Variants in ZNF503 observed in about 807,000 individuals in gnomAD.
The protein encoded by ZNF503 is zinc finger protein 503.
In ZNF503, 15 loss-of-function variants were observed where a neutral mutation model predicts 34.4. The ratio of observed to expected loss-of-function variants is 0.44; its 90% CI spans 0.29 to 0.67. The LOEUF (loss-of-function observed/expected upper bound fraction) is 0.67. ZNF503 is among the 30% of genes least tolerant of loss of function. The pLI, the probability that ZNF503 is intolerant of heterozygous loss-of-function variation, is 0.13. For missense variants in ZNF503, 1,007 were observed against 926.8 expected (o/e 1.09, Z -1.12); for synonymous variants, 580 against 456.8 (o/e 1.27, Z -3.44).
At chr10:75,387,178 G>A in the ZNF503 span, among the ~76,000 whole-genome samples, 7 of 152,338 alleles carry the variant, frequency 4.6e-5, no homozygotes, top group South Asian at 2.1e-4. Flanking sequence ...GGAGAATCCC[G>A]GAATAACTGA....
At chr10:75,401,800 G>C, upstream of ZNF503, 2 of 257,638 alleles carry the variant, frequency 7.8e-6, no homozygotes, top group Non-Finnish European at 7.3e-6. Flanking sequence ...GCTGCACCAA[G>C]GGGGAGATTA....
the ZNF503 span, among the ~76,000 whole-genome samples, chr10:75,326,142 A>G: frequency 6.6e-6 from 1 of 152,210 alleles, no homozygotes; most frequent in Non-Finnish European, 1.5e-5. Context: ...TCCAATGTTC[A>G]TTGCCACTAT....
chr10:75,335,094 G>A, the ZNF503 span, among the ~76,000 whole-genome samples: 1 of 152,096 alleles, frequency 6.6e-6, no homozygotes, highest in Non-Finnish European at 1.5e-5. Flanking sequence ...CTTGCATTGT[G>A]ATCATGAGCA....
the ZNF503 span, among the ~76,000 whole-genome samples, chr10:75,329,314 C>A: frequency 1.8e-4 from 27 of 151,650 alleles, no homozygotes; most frequent in African/African-American, 5.1e-4. Context: ...TTTTTGGTGG[C>A]ACTTTCAGGG....
the ZNF503 span, among the ~76,000 whole-genome samples, chr10:75,323,943 T>C: frequency 6.8e-6 from 1 of 147,696 alleles, no homozygotes; most frequent in Non-Finnish European, 1.5e-5. Context: ...GCCTGCAAGA[T>C]TGCACCATTG....
chr10:75,391,589 C>A, the ZNF503 span, among the ~76,000 whole-genome samples: 383 of 152,304 alleles, frequency 2.5e-3, 1 homozygote, highest in African/African-American at 8.8e-3. Context: ...ATGGAAGCTC[C>A]CCTGGCCCTG....
the ZNF503 span, among the ~76,000 whole-genome samples, chr10:75,387,109 G>A: frequency 1.3e-5 from 2 of 152,224 alleles, no homozygotes; most frequent in Non-Finnish European, 2.9e-5. Flanking sequence ...CTCTGTCTGG[G>A]CACTGTTCTT....
At chr10:75,358,006 C>A in the ZNF503 span, among the ~76,000 whole-genome samples, 1 of 152,162 alleles carries the variant, frequency 6.6e-6, no homozygotes, top group Non-Finnish European at 1.5e-5. Flanking sequence ...GCTCAGTGCA[C>A]CATTGGAGAG....
At chr10:75,322,149 A>C in the ZNF503 span, among the ~76,000 whole-genome samples, 1 of 143,842 alleles carries the variant, frequency 7.0e-6, no homozygotes, top group Non-Finnish European at 1.5e-5. Flanking sequence ...TTTTTGAGAC[A>C]GAGTCTTGCT....
the ZNF503 span, among the ~76,000 whole-genome samples, chr10:75,370,595 A>G: frequency 3.2e-4 from 48 of 152,088 alleles, no homozygotes; most frequent in African/African-American, 1.2e-3. Flanking sequence ...CCTGACCAAC[A>G]TGGTGAAACC....
chr10:75,310,352 G>A, the ZNF503 span, among the ~76,000 whole-genome samples: 1 of 152,178 alleles, frequency 6.6e-6, no homozygotes, highest in African/African-American at 2.4e-5. Flanking sequence ...AGCTAAAGAA[G>A]CTGGCAACTC....
rs767985176 is a variant in ZNF503, at chr10:75,399,951, C to T, written c.739G>A (p.Gly247Ser). Residue 247 changes from glycine to serine, a missense_variant, in exon 2 of 2, where the codon GGT (glycine) becomes AGT (serine). Transcript: ENST00000372524. Reference protein sequence around the residue: ...SPGGMLSSAGGAPEGKDDKKD... With the variant: ...SPGGMLSSAGSAPEGKDDKKD... ...TTGTCGTCCTTGCCCTCCGGGGCAC[C>T]CCCGGCCGAGGACAGCATACCTCCC... 2.5e-6 allele frequency: 4 copies of T among 1,606,294 alleles called. No homozygotes were observed. The highest frequency in any genetic ancestry group is 2.5e-6 in the Non-Finnish European group (3 of 1,179,438).
At chr10:75,326,611 CT>C in the ZNF503 span, among the ~76,000 whole-genome samples, 2 of 149,722 alleles carry the variant, frequency 1.3e-5, no homozygotes, top group Non-Finnish European at 1.5e-5. Context: ...GGCAATCTTC[CT>C]TTTTTTTTGT....
the ZNF503 span, chr10:75,358,532 C>A: frequency 1.3e-5 from 2 of 152,038 alleles, no homozygotes; most frequent in Non-Finnish European, 2.9e-5. Context: ...CATTTAATGA[C>A]CCAGTCGAAA....
chr10:75,280,860 G>A, the ZNF503 span, among the ~76,000 whole-genome samples: 39,168 of 152,020 alleles, frequency 0.26, 6,064 homozygotes, highest in Non-Finnish European at 0.35. Flanking sequence ...CCTGAGAGCT[G>A]AGTAGAAATT....
chr10:75,374,637 C>T, the ZNF503 span, among the ~76,000 whole-genome samples: 1 of 152,246 alleles, frequency 6.6e-6, no homozygotes, highest in Non-Finnish European at 1.5e-5. Context: ...CACTTCAGCA[C>T]TCCTCACCAT....
chr10:75,284,951 A>G, the ZNF503 span, among the ~76,000 whole-genome samples: 3 of 152,210 alleles, frequency 2.0e-5, no homozygotes, highest in African/African-American at 7.2e-5. Context: ...TACCTAACAG[A>G]TAAGTCAGGC....
At chr10:75,327,835 C>A in the ZNF503 span, among the ~76,000 whole-genome samples, 1 of 152,002 alleles carries the variant, frequency 6.6e-6, no homozygotes, top group East Asian at 1.9e-4. Context: ...ATTTGCATTT[C>A]TCTGGTAATT....
chr10:75,380,946 C>T, the ZNF503 span, among the ~76,000 whole-genome samples: 12 of 152,178 alleles, frequency 7.9e-5, no homozygotes, highest in Admixed American at 3.9e-4. Flanking sequence ...TCATGGCATT[C>T]GCGGGAATTA....
Sources: allele counts gnomAD v4.1 joint callset (sites outside exome capture counted in the v4.1 genomes callset), GRCh38; gene constraint gnomAD v4.1.1; transcripts MANE v1.5; gene names NCBI Gene and HGNC (gene_info 2026-07-23, HGNC 2026-07-21).